Variants in MED13L observed in about 807,000 individuals in gnomAD.
MED13L encodes mediator complex subunit 13L.
In MED13L, 7 loss-of-function variants were observed where a neutral mutation model predicts 220.9. That is an observed-to-expected ratio of 0.03 (90% CI 0.02 to 0.06). The LOEUF (loss-of-function observed/expected upper bound fraction) is 0.06, where lower values mean the gene tolerates loss of function less well. Ranked by LOEUF, MED13L falls within the 10% of genes least tolerant of loss-of-function variation. MED13L has a pLI of 1.00. For missense variants in MED13L, 1,965 were observed against 2,760.5 expected (o/e 0.71, Z 6.46); for synonymous variants, 1,011 against 1,015.2 (o/e 1.00, Z 0.08).
intron 2 of MED13L, among the ~76,000 whole-genome samples, chr12:116,188,277 G>C (rs567802466): frequency 5.7e-4 from 87 of 152,118 alleles, no homozygotes; most frequent in African/African-American, 2.1e-3. Context: ...TTGAGCATAA[G>C]TATTCATGTA....
chr12:116,215,589 C>T (rs982588051), intron 2 of MED13L, among the ~76,000 whole-genome samples: 6 of 152,116 alleles, frequency 3.9e-5, no homozygotes, highest in South Asian at 4.1e-4. Context: ...CATAATGCCT[C>T]GCACAGTATC....
intron 9 of MED13L, among the ~76,000 whole-genome samples, 196 bp downstream of exon 9, chr12:116,012,601 A>C (rs1879478712): frequency 6.6e-6 from 1 of 152,218 alleles, no homozygotes; most frequent in Non-Finnish European, 1.5e-5. Context: ...ATATGTTAAC[A>C]GGGCCGATTG....
intron 16 of MED13L, among the ~76,000 whole-genome samples, chr12:115,992,461 T>A (rs1245678966): frequency 1.3e-5 from 2 of 152,152 alleles, no homozygotes; most frequent in South Asian, 4.1e-4. Flanking sequence ...AATCTATATA[T>A]CATATCAAAG....
At chr12:116,044,249 ATAAG>A (rs1482597190) in intron 4 of MED13L, among the ~76,000 whole-genome samples, 4 of 150,674 alleles carry the variant, frequency 2.7e-5, no homozygotes, top group African/African-American at 9.7e-5. Flanking sequence ...CAAATGTTCC[ATAAG>A]TAAGTGTTTT....
chr12:116,074,209 G>A (rs2603814), intron 4 of MED13L, among the ~76,000 whole-genome samples: 149,876 of 152,304 alleles, frequency 0.98, 73,758 homozygotes, highest in East Asian at 1. Flanking sequence ...AACCTGGCCA[G>A]CATGGCAAAA....
At chr12:116,204,946 A>G (rs545423085) in intron 2 of MED13L, among the ~76,000 whole-genome samples, 2 of 152,332 alleles carry the variant, frequency 1.3e-5, no homozygotes, top group East Asian at 1.9e-4. Context: ...GTGTAGTGTC[A>G]GTGGTGATCA....
At chr12:116,094,736 G>A (rs1417025744) in intron 4 of MED13L, among the ~76,000 whole-genome samples, 1 of 152,132 alleles carries the variant, frequency 6.6e-6, no homozygotes, top group African/African-American at 2.4e-5. Context: ...GATGTACTCA[G>A]AATGATAAAG....
In MED13L at chr12:116,059,320, A is replaced by G. The variant is rs1029553921; in HGVS notation, c.480-36719T>C. ...AGCCATCCTCCTGCCTAGGCCTCCC[A>G]AAGTTTTGAGATTACAGGCATGAGC... is the stretch of plus-strand genomic sequence containing the variant. On this transcript the variant is annotated intron_variant, in intron 4 of 30. Transcript: ENST00000281928. Among the ~76,000 whole-genome samples, 5 of 152,162 alleles carry G rather than the reference A, an allele frequency of 3.3e-5. No individual in the cohort carries two copies. In the East Asian group the frequency reaches 9.7e-4, roughly 29 times the overall value.
intron 2 of MED13L, among the ~76,000 whole-genome samples, chr12:116,203,558 A>G (rs1444018296): frequency 1.3e-5 from 2 of 152,070 alleles, no homozygotes; most frequent in African/African-American, 4.8e-5. Flanking sequence ...AGTGGCTCAC[A>G]CCTGTAATCC....
chr12:116,061,901 A>G (rs4488245), intron 4 of MED13L, among the ~76,000 whole-genome samples: 63,844 of 150,150 alleles, frequency 0.43, 13,694 homozygotes, highest in Middle Eastern at 0.48. Context: ...CCAGCTACTC[A>G]GGAGGCTGAG....
At chr12:116,173,934 T>A (rs901533504) in intron 2 of MED13L, among the ~76,000 whole-genome samples, 2 of 152,008 alleles carry the variant, frequency 1.3e-5, no homozygotes, top group Non-Finnish European at 2.9e-5. Context: ...TGCCCATCCC[T>A]ACAAAAAAGT....
intron 2 of MED13L, among the ~76,000 whole-genome samples, chr12:116,147,599 T>C (rs575264342): frequency 2.6e-5 from 4 of 152,302 alleles, no homozygotes; most frequent in African/African-American, 9.6e-5. Flanking sequence ...AAGGTCATCT[T>C]GTATTAACGA....
intron 2 of MED13L, among the ~76,000 whole-genome samples, chr12:116,157,254 T>C (rs1332881587): frequency 6.6e-6 from 1 of 152,198 alleles, no homozygotes; most frequent in Non-Finnish European, 1.5e-5. Flanking sequence ...ATTTACTTAA[T>C]ATACTTATAC....
chr12:116,209,940 T>C (rs959228287), intron 2 of MED13L, among the ~76,000 whole-genome samples: 1 of 152,214 alleles, frequency 6.6e-6, no homozygotes, highest in Non-Finnish European at 1.5e-5. Context: ...TCTTGAAATA[T>C]TCTTCTAAAA....
At chr12:116,028,531 T>C (rs1463561056) in intron 4 of MED13L, among the ~76,000 whole-genome samples, 2 of 152,166 alleles carry the variant, frequency 1.3e-5, no homozygotes, top group Non-Finnish European at 2.9e-5. Context: ...CTTAACATAG[T>C]GTTTAGTACA....
chr12:116,070,020 T>A (rs1048027250), intron 4 of MED13L, among the ~76,000 whole-genome samples: 8 of 152,188 alleles, frequency 5.3e-5, no homozygotes, highest in African/African-American at 1.7e-4. Flanking sequence ...TGAGTATTTT[T>A]AAAAAATTTT....
chr12:116,136,614 T>C (rs1876578014), intron 2 of MED13L, among the ~76,000 whole-genome samples: 3 of 152,214 alleles, frequency 2.0e-5, no homozygotes, highest in African/African-American at 7.2e-5. Flanking sequence ...TTAAACAGAT[T>C]TGTTTCTAAG....
At chr12:116,100,598 C>CAAAAA (rs760855189) in intron 3 of MED13L, among the ~76,000 whole-genome samples, 13 of 68,006 alleles carry the variant, frequency 1.9e-4, no homozygotes, top group African/African-American at 7.4e-4. Flanking sequence ...GACTCCGTCT[C>CAAAAA]AAAAAAAAAA....
Position 115,984,867 on chromosome 12 carries a change from C to CT in MED13L, c.4339-496dup, listed in dbSNP as rs71442953. ...CTGAAGCAGTGAGTATGCTGATCGCCTTTTTTTTTTTTAAAGTAAATAGGA... is the reference window on the plus strand; with the variant it reads ...CTGAAGCAGTGAGTATGCTGATCGCCTTTTTTTTTTTTTAAAGTAAATAGGA... On this transcript the variant is annotated intron_variant, in intron 19 of 30. Transcript: ENST00000281928. Among the ~76,000 whole-genome samples the CT allele has an allele frequency of 1.7e-3, 251 of 144,990 alleles. 2 individuals are homozygous for CT. Among genetic ancestry groups the CT allele is most frequent in the Middle Eastern group, 7.1e-3 (2 of 280 alleles).
Sources: gnomAD v4.1 joint callset for allele counts (sites outside exome capture counted in the v4.1 genomes callset) on GRCh38, gnomAD v4.1.1 for gene constraint, MANE v1.5 for transcripts, NCBI Gene and HGNC (gene_info 2026-07-23, HGNC 2026-07-21) for gene names.